The following CACNA1E variants were observed in gnomAD, a reference collection of about 807,000 sequenced individuals.
CACNA1E encodes calcium voltage-gated channel subunit alpha1 E, also known as voltage-dependent R-type calcium channel subunit alpha-1E.
In CACNA1E, 40 loss-of-function variants were observed where a neutral mutation model predicts 259.2. That is an observed-to-expected ratio of 0.15 (90% confidence interval 0.12 to 0.20). CACNA1E has a LOEUF of 0.20. Among genes scored for constraint, CACNA1E ranks in the 10% least tolerant of loss-of-function variants. The probability of loss-of-function intolerance (pLI) is 1.00; values close to 1 mark genes in which losing one functional copy is unlikely to be tolerated. For missense variants in CACNA1E, 1,874 were observed against 3,040.1 expected (o/e 0.62, Z 9.02); for synonymous variants, 1,104 against 1,138.5 (o/e 0.97, Z 0.61).
At chr1:181,395,795 G>A (rs140286409) in intron 1 of CACNA1E, among the ~76,000 whole-genome samples, 333 of 152,256 alleles carry the variant, frequency 2.2e-3, no homozygotes, top group African/African-American at 7.4e-3. Flanking sequence ...GTGTGATGTC[G>A]TGGAAGCCAG....
chr1:181,407,824 G>T (rs1437171734), intron 1 of CACNA1E, among the ~76,000 whole-genome samples: 2 of 152,174 alleles, frequency 1.3e-5, no homozygotes, highest in African/African-American at 4.8e-5. Context: ...TACTGTATCA[G>T]TTCTCTCTCA....
intron 2 of CACNA1E, 79 bp from the exon 3 acceptor site, chr1:181,511,292 G>C: frequency 6.5e-7 from 1 of 1,528,360 alleles, no homozygotes; most frequent in South Asian, 1.2e-5. Context: ...CATCCAGGAA[G>C]GGCCAGGCTG....
chr1:181,695,676 T>C (rs1651621940), intron 7 of CACNA1E, among the ~76,000 whole-genome samples: 1 of 152,160 alleles, frequency 6.6e-6, no homozygotes, highest in South Asian at 2.1e-4. Flanking sequence ...AAAAAGTGAA[T>C]CTACAGCTGG....
At chr1:181,496,610 A>G (rs1306453607) in intron 1 of CACNA1E, among the ~76,000 whole-genome samples, 3 of 152,162 alleles carry the variant, frequency 2.0e-5, no homozygotes, top group African/African-American at 2.4e-5. Flanking sequence ...GGGGAAGGGG[A>G]AACCTCCATT....
At position 181,758,227 on chromosome 1, in the gene CACNA1E, T is replaced by A; in HGVS notation, c.4494+116T>A. 2 of 935,108 alleles carry A rather than the reference T, an allele frequency of 2.1e-6. No individual in the cohort carries two copies. The highest frequency in any genetic ancestry group is 5.1e-5 in the East Asian group (2 of 39,392). 57.9% of individuals were successfully genotyped at this position (935,108 alleles called of 1,614,324 possible). ...CACTGCTTTACCTACTTTTCCATCA[T>A]TGAATCCTTTTGTGATCTTATTTTG... On this transcript the variant is annotated intron_variant, in intron 31 of 47. Transcript: ENST00000367573. The surrounding 1 kb of genome is among the most constrained non-coding windows in gnomAD (Gnocchi z 4.2).
chr1:181,761,579 A>G (rs1429337226), intron 32 of CACNA1E, among the ~76,000 whole-genome samples: 1 of 152,172 alleles, frequency 6.6e-6, no homozygotes, highest in Non-Finnish European at 1.5e-5. Flanking sequence ...GAGGATATCA[A>G]TTACAGGTGT....
rs1312280902 is a variant in CACNA1E at position 181,535,712 on chromosome 1, G to A, written c.512+24202G>A. 2.8e-5 allele frequency among the ~76,000 whole-genome samples: 4 copies of A among 145,450 alleles called. No homozygotes were observed. The East Asian group carries it at 8.0e-4, about 29-fold the overall frequency. On this transcript the variant is annotated intron_variant, in intron 3 of 47. Transcript: ENST00000367573. ...TTCTTTTTTTTTTTTTTTCGAGACA[G>A]ATTCTCTCTCTGTTGCCCAGGCTGG... is the stretch of plus-strand genomic sequence containing the variant.
chr1:181,622,408 T>A (rs1429391833), intron 6 of CACNA1E, among the ~76,000 whole-genome samples: 1 of 152,196 alleles, frequency 6.6e-6, no homozygotes, highest in Non-Finnish European at 1.5e-5. Flanking sequence ...ACTACTGGCT[T>A]AAACAGAAAT....
chr1:181,386,706 T>A (rs1655874430), intron 1 of CACNA1E, among the ~76,000 whole-genome samples: 1 of 152,206 alleles, frequency 6.6e-6, no homozygotes, highest in African/African-American at 2.4e-5. Flanking sequence ...GTAGCTAGCA[T>A]AATGGACAGT....
In CACNA1E at chr1:181,600,733, A is replaced by G. The variant is rs79263716; in HGVS notation, c.951+19957A>G. Among the ~76,000 whole-genome samples, 23 of 152,286 alleles carry G rather than the reference A, an allele frequency of 1.5e-4. No individual in the cohort carries two copies. In the East Asian group the frequency reaches 4.4e-3, roughly 29 times the overall value. ...ATGTTAAATTGGAGTGGCCTAATTG[A>G]TGTCTATGAGATAGCCCAGTTAGAG... On this transcript the variant is annotated intron_variant, in intron 6 of 47. Coordinates refer to ENST00000367573, the MANE Select transcript of CACNA1E (RefSeq NM_001205293.3).
At chr1:181,761,726 C>T (rs1236103240) in intron 32 of CACNA1E, among the ~76,000 whole-genome samples, 1 of 152,172 alleles carries the variant, frequency 6.6e-6, no homozygotes, top group African/African-American at 2.4e-5. Flanking sequence ...TTTTGAGATT[C>T]AAGTGTCCTT....
chr1:181,520,630 T>A (rs1666931902), intron 3 of CACNA1E, among the ~76,000 whole-genome samples: 1 of 152,224 alleles, frequency 6.6e-6, no homozygotes, highest in African/African-American at 2.4e-5. Flanking sequence ...TAATTTTGCC[T>A]CAAGAGAGAA....
intron 2 of CACNA1E, among the ~76,000 whole-genome samples, chr1:181,459,966 C>T (rs1385175252): frequency 6.6e-6 from 1 of 152,182 alleles, no homozygotes; most frequent in Non-Finnish European, 1.5e-5. Context: ...AGGTAATGCA[C>T]CATCATATTG....
chr1:181,643,481 T>G (rs1213476235), intron 6 of CACNA1E, among the ~76,000 whole-genome samples: 1 of 152,198 alleles, frequency 6.6e-6, no homozygotes, highest in Non-Finnish European at 1.5e-5. Context: ...TGAATTGTCC[T>G]CCCAAGAGCG....
At chr1:181,730,648 AC>A (rs1655379415) in intron 18 of CACNA1E, among the ~76,000 whole-genome samples, 1 of 152,186 alleles carries the variant, frequency 6.6e-6, no homozygotes, top group African/African-American at 2.4e-5. Flanking sequence ...CTGACCATGG[AC>A]CACTTCGTAG....
At chr1:181,602,858 A>G (rs1572349219) in intron 6 of CACNA1E, among the ~76,000 whole-genome samples, 1 of 152,210 alleles carries the variant, frequency 6.6e-6, no homozygotes, top group African/African-American at 2.4e-5. Context: ...TTGAGGTTGT[A>G]TTAATAAAAA....
intron 2 of CACNA1E, among the ~76,000 whole-genome samples, chr1:181,476,824 C>T (rs547625020): frequency 1.1e-4 from 16 of 152,224 alleles, no homozygotes; most frequent in Middle Eastern, 3.4e-3. Flanking sequence ...GGAGCTGGGG[C>T]GCTGCTGAGT....
intron 4 of CACNA1E, among the ~76,000 whole-genome samples, chr1:181,578,553 C>A (rs1221564102): frequency 6.6e-6 from 1 of 152,190 alleles, no homozygotes; most frequent in South Asian, 2.1e-4. Flanking sequence ...GGCGACAGAC[C>A]GACACTCTGT....
At chr1:181,486,195 C>A (rs1259755150) in intron 1 of CACNA1E, among the ~76,000 whole-genome samples, 1 of 152,218 alleles carries the variant, frequency 6.6e-6, no homozygotes, top group Non-Finnish European at 1.5e-5. Context: ...AAACGGGAGA[C>A]TCTCGAGGGA....
Sources: gnomAD v4.1 joint callset for allele counts (sites outside exome capture counted in the v4.1 genomes callset) on GRCh38, gnomAD v4.1.1 for gene constraint, Gnocchi (gnomAD v3.1) non-coding constraint, MANE v1.5 for transcripts, NCBI Gene and HGNC (gene_info 2026-07-23, HGNC 2026-07-21) for gene names.